The following TBC1D5 variants were observed in gnomAD, a reference collection of about 807,000 sequenced individuals.
The protein encoded by TBC1D5 is TBC1 domain family member 5, also known as TBC1 domain family, member 5.
Under a neutral mutation model 100.3 loss-of-function variants are expected in TBC1D5, and 75 were observed. The ratio of observed to expected loss-of-function variants is 0.75; its 90% CI spans 0.62 to 0.91. TBC1D5 has a LOEUF of 0.91. Among genes scored for constraint, TBC1D5 ranks in the 40% least tolerant of loss-of-function variants. TBC1D5 has a pLI of 0.00. For synonymous variants in TBC1D5, 323 were observed against 325.6 expected (o/e 0.99, Z 0.09); for missense variants, 910 against 942.4 (o/e 0.97, Z 0.45).
At chr3:17,396,482 G>A (rs1354152338) in intron 8 of TBC1D5, among the ~76,000 whole-genome samples, 2 of 151,694 alleles carry the variant, frequency 1.3e-5, no homozygotes, top group African/African-American at 4.8e-5. Context: ...AGGAGATACC[G>A]ACATTTAGGA....
chr3:17,612,371 G>A (rs936150863), intron 2 of TBC1D5, among the ~76,000 whole-genome samples: 1 of 151,184 alleles, frequency 6.6e-6, no homozygotes, highest in Non-Finnish European at 1.5e-5. Flanking sequence ...GCTCATACCT[G>A]TAACCCCAGC....
rs147970450 is a variant in TBC1D5 at position 17,624,825 on chromosome 3, G to A, written c.-100-912C>T. ...AAATGCAGAGGAAGTTTTTCTTCTC[G>A]GATACTTAAAAATGTTAAAACTGCT... On this transcript the variant is annotated intron_variant, in intron 1 of 21. Transcript: ENST00000253692. 2.1e-3 allele frequency among the ~76,000 whole-genome samples: 323 copies of A among 151,820 alleles called. 1 individual carries two copies. In the Middle Eastern group the frequency reaches 0.027, roughly 13 times the overall value.
chr3:17,173,944 A>C (rs143991353), intron 19 of TBC1D5, among the ~76,000 whole-genome samples: 22 of 152,294 alleles, frequency 1.4e-4, no homozygotes, highest in Non-Finnish European at 2.9e-4. Context: ...GTCTGTGCAC[A>C]GGGTGTGTGC....
chr3:17,398,304 C>T lies in TBC1D5; in HGVS notation c.509+4877G>A, dbSNP rs563717511. On this transcript the variant is annotated intron_variant, in intron 8 of 21. Coordinates refer to ENST00000253692, the Ensembl canonical transcript of TBC1D5. ...ACAATTAATTGAAATGATTGCAAAA[C>T]GCTTTGAGGCAAAAAAGGGTGACAT... Among the ~76,000 whole-genome samples, 22 of 152,006 alleles carry T rather than the reference C, an allele frequency of 1.4e-4. 1 individual carries two copies. Among genetic ancestry groups the T allele is most frequent in the South Asian group, 1.2e-3 (6 of 4,820 alleles).
chr3:17,412,544 G>A (rs890761564), intron 4 of TBC1D5, among the ~76,000 whole-genome samples: 14 of 152,012 alleles, frequency 9.2e-5, no homozygotes, highest in African/African-American at 3.4e-4. Flanking sequence ...AAATATTGAG[G>A]TGTCAGTGGT....
intron 2 of TBC1D5, among the ~76,000 whole-genome samples, chr3:17,519,835 T>C (rs923228176): frequency 6.6e-6 from 1 of 152,206 alleles, no homozygotes. Flanking sequence ...GAGTTTTCCA[T>C]CTTATTATTT....
At chr3:17,479,856 G>A (rs1439632199) in intron 3 of TBC1D5, among the ~76,000 whole-genome samples, 4 of 152,190 alleles carry the variant, frequency 2.6e-5, no homozygotes, top group African/African-American at 9.7e-5. Flanking sequence ...ACCTGCGGGA[G>A]CGAGGGACAG....
chr3:17,300,579 G>A (rs2082718104), intron 14 of TBC1D5, among the ~76,000 whole-genome samples: 1 of 151,944 alleles, frequency 6.6e-6, no homozygotes. Context: ...GCCATGCCAT[G>A]CCAGGCCAGG....
intron 2 of TBC1D5, among the ~76,000 whole-genome samples, chr3:17,585,951 T>C (rs1186536403): frequency 2.0e-5 from 3 of 152,086 alleles, no homozygotes; most frequent in Admixed American, 1.3e-4. Context: ...TCCTACTTCT[T>C]TAAGAAATGG....
intron 3 of TBC1D5, among the ~76,000 whole-genome samples, chr3:17,463,935 CCTT>C (rs2095257852): frequency 6.8e-6 from 1 of 146,568 alleles, no homozygotes; most frequent in Non-Finnish European, 1.5e-5. Flanking sequence ...TACTAGCATT[CCTT>C]ATTCCTTTTT....
At chr3:17,397,582 G>A (rs759174463) in intron 8 of TBC1D5, among the ~76,000 whole-genome samples, 1 of 152,136 alleles carries the variant, frequency 6.6e-6, no homozygotes, top group Non-Finnish European at 1.5e-5. Context: ...TTGCCATGTT[G>A]CCCAGGCTGG....
upstream of TBC1D5, chr3:17,742,347 G>C (rs367818242): frequency 1.3e-3 from 195 of 153,596 alleles, 1 homozygote; most frequent in East Asian, 9.7e-3. Flanking sequence ...CGGCGCGAAG[G>C]GGGGCGAAAC....
chr3:17,540,905 CAAAAAAAAAAAAAA>C (rs71634807), intron 2 of TBC1D5, among the ~76,000 whole-genome samples: 15 of 31,462 alleles, frequency 4.8e-4, no homozygotes, highest in South Asian at 2.4e-3. Context: ...GGCTCCATCT[CAAAAAAAAAAAAAA>C]AAAAAAAAAA....
chr3:17,428,430 T>C lies in TBC1D5; in HGVS notation c.167+20A>G. On this transcript the variant is annotated intron_variant, in intron 4 of 21. Transcript: ENST00000253692. ...GTGTGTGTATATATATATATATATA[T>C]ATATGTATTCATCACCTACCTATAG... is the stretch of plus-strand genomic sequence containing the variant. The C allele has an allele frequency of 1.4e-6, 1 of 713,860 alleles. No individual in the cohort carries two copies. Among genetic ancestry groups the C allele is most frequent in the Non-Finnish European group, 2.1e-6 (1 of 482,246 alleles). 44.2% of individuals were successfully genotyped at this position (713,860 alleles called of 1,614,324 possible).
chr3:17,484,455 G>GGTGTGTGTGTGTGTGTGT lies in TBC1D5; in HGVS notation c.97+24001_97+24018dup, dbSNP rs34847216. ...TTTAAAGATAATAAGGTAACACCAGGGTGTGTGTGTGTGTGTGTGTGTGTG... is the reference window on the plus strand; with the variant it reads ...TTTAAAGATAATAAGGTAACACCAGGGTGTGTGTGTGTGTGTGTGTGTGTGTGTGTGTGTGTGTGTGTG... On this transcript the variant is annotated intron_variant, in intron 3 of 21. Transcript: ENST00000253692. 1.3e-3 allele frequency among the ~76,000 whole-genome samples: 149 copies of GGTGTGTGTGTGTGTGTGT among 111,538 alleles called. 5 individuals are homozygous for GGTGTGTGTGTGTGTGTGT. Among genetic ancestry groups the GGTGTGTGTGTGTGTGTGT allele is most frequent in the South Asian group, 7.1e-3 (23 of 3,244 alleles). 73.2% of individuals were successfully genotyped at this position (111,538 alleles called of 152,430 possible).
chr3:17,545,193 G>C (rs1459462963), intron 2 of TBC1D5, among the ~76,000 whole-genome samples: 1 of 152,036 alleles, frequency 6.6e-6, no homozygotes, highest in African/African-American at 2.4e-5. Flanking sequence ...TTTAGAGATA[G>C]GGCCTTTACA....
chr3:17,179,634 C>T (rs1232665193), intron 19 of TBC1D5, among the ~76,000 whole-genome samples: 2 of 152,174 alleles, frequency 1.3e-5, no homozygotes, highest in African/African-American at 4.8e-5. Flanking sequence ...CTTCCTGGGC[C>T]TTGGCTTCCT....
chr3:17,714,041 T>C (rs527857385), intron 1 of TBC1D5, among the ~76,000 whole-genome samples: 8 of 152,320 alleles, frequency 5.3e-5, no homozygotes. Flanking sequence ...ATCTCTTCCC[T>C]GGTACAAATG....
intron 2 of TBC1D5, among the ~76,000 whole-genome samples, chr3:17,571,245 A>G (rs1048001594): frequency 2.6e-5 from 4 of 152,170 alleles, no homozygotes; most frequent in Admixed American, 2.0e-4. Flanking sequence ...ACAAAAACTA[A>G]GCAACTACAA....
Sources: gnomAD v4.1 joint callset for allele counts (sites outside exome capture counted in the v4.1 genomes callset) on GRCh38, gnomAD v4.1.1 for gene constraint, MANE v1.5 for transcripts, NCBI Gene and HGNC (gene_info 2026-07-23, HGNC 2026-07-21) for gene names.